CAPS: variants seen among roughly 807,000 people sequenced by gnomAD.
The protein encoded by CAPS is calcyphosin.
CAPS carries 16 observed loss-of-function variants against 15.5 expected under a neutral mutation model. That is an observed-to-expected ratio of 1.03 (90% confidence interval 0.70 to 1.57). The LOEUF (loss-of-function observed/expected upper bound fraction) is 1.57. Ranked by LOEUF, CAPS falls within the 40% of genes most tolerant of loss-of-function variation. The pLI, the probability that CAPS is intolerant of heterozygous loss-of-function variation, is 0.00. For missense variants in CAPS, 294 were observed against 278.4 expected (o/e 1.06, Z -0.40); for synonymous variants, 121 against 116.0 (o/e 1.04, Z -0.28).
rs2057733970 is a variant in CAPS, at chr19:5,916,145, T to C, written c.*823T>C. ...GGGCATGCAGAGGCCAGGGTTTTAGTTAAAAGTTTAATGTAGTTCCCAAAT... is the reference window on the plus strand; with the variant it reads ...GGGCATGCAGAGGCCAGGGTTTTAGCTAAAAGTTTAATGTAGTTCCCAAAT... On this transcript the variant is annotated 3_prime_UTR_variant, in exon 5 of 5. Transcript: ENST00000588776. 6.6e-6 allele frequency: 1 copy of C among 152,170 alleles called. No homozygotes were observed. The highest frequency in any genetic ancestry group is 1.9e-4 in the East Asian group (1 of 5,144). 9.4% of individuals were successfully genotyped at this position (152,170 alleles called of 1,614,324 possible).
chr19:5,914,915 C>T (rs767592729), intron 3 of CAPS, 25 bp from the exon 4 acceptor site: 9 of 1,586,906 alleles, frequency 5.7e-6, no homozygotes, highest in Non-Finnish European at 7.7e-6. Context: ...TACCCACCAC[C>T]CCCAGTCACC....
rs1285378913 is a variant in CAPS at position 5,915,093 on chromosome 19, G to A, written c.415G>A (p.Glu139Lys). 3.1e-6 allele frequency: 5 copies of A among 1,613,130 alleles called. No individual in the cohort carries two copies. In the South Asian group the frequency reaches 3.3e-5, roughly 11 times the overall value. The change falls in exon 4 of 5, where the codon GAG becomes AAG. Residue 139 changes from glutamate (E) to lysine (K), a missense_variant. Transcript: ENST00000588776. The stretch of plus-strand genomic sequence containing the variant: ...GCGCAGTGGGGAGTGGACCGAGGAC[G>A]AGGTGCTGCGCCGCTTCCTGGACAA... ...KVRSGEWTED[E>K]VLRRFLDNFD...
chr19:5,914,748 C>T lies in CAPS; in HGVS notation c.261+8C>T, dbSNP rs758702919. 3.7e-6 allele frequency: 6 copies of T among 1,603,174 alleles called. No homozygotes were observed. The South Asian group carries it at 6.7e-5, about 18-fold the overall frequency. On this transcript the variant is annotated splice_region_variant and intron_variant, in intron 3 of 4. Coordinates refer to ENST00000588776, the MANE Select transcript of CAPS (RefSeq NM_004058.5). ...TTCCTTCGGGCGCTGCGGGTGAGCC[C>T]CCACCTCACAGTCAAGGCGTGTGCC... is the stretch of plus-strand genomic sequence containing the variant.
chr19:5,914,998 GC>G lies in CAPS; in HGVS notation c.321del (p.Ser108ValfsTer6). ...GCAGCTGCATTTGCCAAGCTGGACC[GC>G]AGTGGGGACGGCGTCGTGACGGTGG... The part of the protein sequence containing the change: ...VIAAAFAKLD[R>X]SGDGVVTVDD... On this transcript the variant is annotated frameshift_variant, in exon 4 of 5. Coordinates refer to ENST00000588776, the MANE Select transcript of CAPS (RefSeq NM_004058.5). LOFTEE classifies it high-confidence loss of function. The G allele has an allele frequency of 4.3e-6, 7 of 1,611,330 alleles. No individual in the cohort carries two copies. The highest frequency in any genetic ancestry group is 5.9e-6 in the Non-Finnish European group (7 of 1,179,932).
chr19:5,914,621 C>A lies in CAPS; in HGVS notation c.142C>A (p.Gln48Lys), dbSNP rs1476024642. 11 of 1,613,730 alleles carry A rather than the reference C, an allele frequency of 6.8e-6. No individual in the cohort carries two copies. Among genetic ancestry groups the A allele is most frequent in the Middle Eastern group, 1.6e-4 (1 of 6,084 alleles). The change falls in exon 3 of 5, where the codon CAG becomes AAG. Residue 48 changes from glutamine to lysine, a missense_variant. Transcript: ENST00000588776. ...SRSLDADEFR[Q>K]GLAKLGLVLD... is the part of the protein sequence containing the mutation. ...ATCCCTGGACGCTGATGAGTTCCGG[C>A]AGGGTCTGGCCAAACTCGGGCTGGT... is the stretch of plus-strand genomic sequence containing the variant.
rs2057714392 is a variant in CAPS at position 5,914,593 on chromosome 19, C to T, written c.114C>T (p.Ser38=). ...RFFRQLDRDG[S]RSLDADEFRQ... ...TCCGCCAACTAGACCGGGACGGGAG[C>T]AGATCCCTGGACGCTGATGAGTTCC... Residue 38 remains serine, a synonymous_variant, in exon 3 of 5, where the codon AGC becomes AGT. Transcript: ENST00000588776. The T allele has an allele frequency of 6.8e-6, 11 of 1,612,226 alleles. No homozygotes were observed. The highest frequency in any genetic ancestry group is 9.3e-6 in the Non-Finnish European group (11 of 1,178,890).
chr19:5,915,381 T>TCCC lies in CAPS; in HGVS notation c.*60_*62dup. The TCCC allele has an allele frequency of 7.8e-7, 1 of 1,274,618 alleles. No homozygotes were observed. The highest frequency in any genetic ancestry group is 1.1e-6 in the Non-Finnish European group (1 of 916,960). 79.0% of individuals were successfully genotyped at this position (1,274,618 alleles called of 1,614,324 possible). A position where few individuals can be genotyped will look rare whatever the true frequency, so the allele number is the denominator to read the frequency against. The stretch of plus-strand genomic sequence containing the variant: ...TCACTCCCCACCCCTGCCGGAGACC[T>TCCC]CCCTTCCCTGGGCCCCTTCTCTCCT... On this transcript the variant is annotated 3_prime_UTR_variant, in exon 5 of 5. Transcript: ENST00000588776.
Position 5,914,639 on chromosome 19 carries a change from G to A in CAPS, c.160G>A (p.Gly54Arg), listed in dbSNP as rs199930097. 2,417 of 1,614,014 alleles carry A rather than the reference G, an allele frequency of 1.5e-3. 40 individuals carry two copies. The South Asian group carries it at 0.02, about 13-fold the overall frequency. Reference protein sequence around the residue: ...DEFRQGLAKLGLVLDQAEAEG... With the variant: ...DEFRQGLAKLRLVLDQAEAEG... ...GTTCCGGCAGGGTCTGGCCAAACTCGGGCTGGTGCTGGACCAGGCGGAGGC... is the reference window on the plus strand; with the variant it reads ...GTTCCGGCAGGGTCTGGCCAAACTCAGGCTGGTGCTGGACCAGGCGGAGGC... Residue 54 changes from glycine (G) to arginine (R), a missense_variant, in exon 3 of 5, where the codon GGG becomes AGG. Gly to Arg is a moderately radical substitution (Grantham distance 125, BLOSUM62 -2). Transcript: ENST00000588776.
At position 5,916,129 on chromosome 19, in the gene CAPS, G is replaced by A. The variant is rs1014105524; in HGVS notation, c.*807G>A. On this transcript the variant is annotated 3_prime_UTR_variant, in exon 5 of 5. Transcript: ENST00000588776. Reference sequence around the variant, plus strand: ...CTTCCTGAGGCCCCTGGGGCATGCAGAGGCCAGGGTTTTAGTTAAAAGTTT... The same window carrying A: ...CTTCCTGAGGCCCCTGGGGCATGCAAAGGCCAGGGTTTTAGTTAAAAGTTT... The A allele has an allele frequency of 3.9e-5, 6 of 152,172 alleles. No individual in the cohort carries two copies. Among genetic ancestry groups the A allele is most frequent in the African/African-American group, 1.2e-4 (5 of 41,432 alleles). The allele number at this position is 152,172 out of a possible 1,614,324, so 9.4% of individuals were successfully genotyped here.
In CAPS at chr19:5,915,056, C is replaced by T. The variant is rs2057720984; in HGVS notation, c.378C>T (p.Ala126=). 1.2e-6 allele frequency: 2 copies of T among 1,612,872 alleles called. No individual in the cohort carries two copies. The highest frequency in any genetic ancestry group is 1.3e-5 in the African/African-American group (1 of 75,032). Residue 126 remains alanine (A), a synonymous_variant, in exon 4 of 5, where the codon GCC becomes GCT. Coordinates refer to ENST00000588776, the MANE Select transcript of CAPS (RefSeq NM_004058.5). ...TCCGCGGGGTGTACAGTGGCCGTGC[C>T]CACCCCAAGGTGCGCAGTGGGGAGT... ...DDLRGVYSGR[A]HPKVRSGEWT... is the part of the protein sequence containing the mutation.
In CAPS at chr19:5,915,002, T is replaced by TGGGGACGGCGTCGTGACG; in HGVS notation, c.326_343dup (p.Gly109_Thr114dup). ...CTGCATTTGCCAAGCTGGACCGCAG[T>TGGGGACGGCGTCGTGACG]GGGGACGGCGTCGTGACGGTGGACG... On this transcript the variant is annotated inframe_insertion, in exon 4 of 5. Transcript: ENST00000588776. 6.2e-7 allele frequency: 1 copy of TGGGGACGGCGTCGTGACG among 1,611,588 alleles called. No individual in the cohort carries two copies. The highest frequency in any genetic ancestry group is 1.1e-5 in the South Asian group (1 of 91,046).
chr19:5,916,061 G>A lies in CAPS; in HGVS notation c.*739G>A, dbSNP rs913989481. 6.6e-5 allele frequency: 10 copies of A among 152,210 alleles called. No homozygotes were observed. Among genetic ancestry groups the A allele is most frequent in the Non-Finnish European group, 1.5e-4 (10 of 68,148 alleles). The allele number at this position is 152,210 out of a possible 1,614,324, so 9.4% of individuals were successfully genotyped here. A position where few individuals can be genotyped will look rare whatever the true frequency, so the allele number is the denominator to read the frequency against. ...GGGAGCATGAGGCCCCAGGCTGCTGGAGGTCCTCGCCCGGGGAGGTGGAGG... is the reference window on the plus strand; with the variant it reads ...GGGAGCATGAGGCCCCAGGCTGCTGAAGGTCCTCGCCCGGGGAGGTGGAGG... On this transcript the variant is annotated 3_prime_UTR_variant, in exon 5 of 5. Coordinates refer to ENST00000588776, the MANE Select transcript of CAPS (RefSeq NM_004058.5).
At position 5,914,325 on chromosome 19, in the gene CAPS, A is replaced by C. The variant is rs775890578; in HGVS notation, c.-23+16A>C. ...CGCAGGCCAGGTGAGCATCTGAACA[A>C]GGGGCAGTCGGCCAGGGTGGGCTTG... On this transcript the variant is annotated intron_variant, in intron 1 of 4. Coordinates refer to ENST00000588776, the MANE Select transcript of CAPS (RefSeq NM_004058.5). The C allele has an allele frequency of 6.2e-7, 1 of 1,612,492 alleles. No individual in the cohort carries two copies. Among genetic ancestry groups the C allele is most frequent in the Non-Finnish European group, 8.5e-7 (1 of 1,179,756 alleles).
chr19:5,914,327 G>A lies in CAPS; in HGVS notation c.-23+18G>A, dbSNP rs1363197896. ...CAGGCCAGGTGAGCATCTGAACAAG[G>A]GGCAGTCGGCCAGGGTGGGCTTGCG... On this transcript the variant is annotated intron_variant, in intron 1 of 4. Coordinates refer to ENST00000588776, the MANE Select transcript of CAPS (RefSeq NM_004058.5). The A allele has an allele frequency of 6.2e-7, 1 of 1,612,464 alleles. No homozygotes were observed.
At position 5,914,341 on chromosome 19, in the gene CAPS, G is replaced by A. The variant is rs761901063; in HGVS notation, c.-23+32G>A. On this transcript the variant is annotated intron_variant, in intron 1 of 4. Transcript: ENST00000588776. ...ATCTGAACAAGGGGCAGTCGGCCAG[G>A]GTGGGCTTGCGGGAGTCCCCACCTT... 6 of 1,612,926 alleles carry A rather than the reference G, an allele frequency of 3.7e-6. No homozygotes were observed. In the Middle Eastern group the frequency reaches 6.6e-4, roughly 178 times the overall value.
At position 5,914,690 on chromosome 19, in the gene CAPS, C is replaced by G. The variant is rs550872985; in HGVS notation, c.211C>G (p.Arg71Gly). 34 of 1,613,756 alleles carry G rather than the reference C, an allele frequency of 2.1e-5. No homozygotes were observed. Among genetic ancestry groups the G allele is most frequent in the Non-Finnish European group, 2.3e-5 (27 of 1,179,956 alleles). Residue 71 changes from arginine (R) to glycine (G), a missense_variant, in exon 3 of 5, where the codon CGC becomes GGC. Physicochemically the swap from Arg to Gly is moderately radical, Grantham distance 125 (BLOSUM62 -2). Transcript: ENST00000588776. ...EAEGVCRKWD[R>G]NGSGTLDLEE... ...AGAGGGTGTGTGCAGGAAGTGGGAC[C>G]GCAATGGCAGCGGGACGCTGGATCT...
In CAPS at chr19:5,914,670, G is replaced by T. The variant is rs761314337; in HGVS notation, c.191G>T (p.Gly64Val). Residue 64 changes from glycine (G) to valine (V), a missense_variant, in exon 3 of 5, where the codon GGT (glycine) becomes GTT (valine). By Grantham distance (109) the Gly-to-Val change is moderately radical. Coordinates refer to ENST00000588776, the MANE Select transcript of CAPS (RefSeq NM_004058.5). Reference protein sequence around the residue: ...GLVLDQAEAEGVCRKWDRNGS... With the variant: ...GLVLDQAEAEVVCRKWDRNGS... ...GTGCTGGACCAGGCGGAGGCAGAGG[G>T]TGTGTGCAGGAAGTGGGACCGCAAT... 6.2e-7 allele frequency: 1 copy of T among 1,614,062 alleles called. No individual in the cohort carries two copies. The highest frequency in any genetic ancestry group is 1.1e-5 in the South Asian group (1 of 91,082).
chr19:5,915,259 GA>G lies in CAPS; in HGVS notation c.508del (p.Ser170ValfsTer4). ...AEFQDYYSGVSASMNTDEEFV... is the reference protein window; with the variant it reads ...AEFQDYYSGVXASMNTDEEFV... ...AATTCCAGGACTACTACAGCGGCGT[GA>G]GTGCCTCCATGAACACGGATGAGGA... On this transcript the variant is annotated frameshift_variant, in exon 5 of 5. Transcript: ENST00000588776. LOFTEE classifies it high-confidence loss of function. 3 of 1,613,122 alleles carry G rather than the reference GA, an allele frequency of 1.9e-6. No homozygotes were observed. The highest frequency in any genetic ancestry group is 2.5e-6 in the Non-Finnish European group (3 of 1,179,888).
In CAPS at chr19:5,915,051, C is replaced by G; in HGVS notation, c.373C>G (p.Arg125Gly). 6.2e-7 allele frequency: 1 copy of G among 1,612,872 alleles called. No homozygotes were observed. The change falls in exon 4 of 5, where the codon CGT (arginine) becomes GGT (glycine). Residue 125 changes from arginine (R) to glycine (G), a missense_variant. Coordinates refer to ENST00000588776, the MANE Select transcript of CAPS (RefSeq NM_004058.5). Reference protein sequence around the residue: ...VDDLRGVYSGRAHPKVRSGEW... With the variant: ...VDDLRGVYSGGAHPKVRSGEW... ...CGACCTCCGCGGGGTGTACAGTGGCCGTGCCCACCCCAAGGTGCGCAGTGG... is the reference window on the plus strand; with the variant it reads ...CGACCTCCGCGGGGTGTACAGTGGCGGTGCCCACCCCAAGGTGCGCAGTGG...
Sources: gnomAD v4.1 joint callset for allele counts on GRCh38, gnomAD v4.1.1 for gene constraint, MANE v1.5 for transcripts, NCBI Gene and HGNC (gene_info 2026-07-23, HGNC 2026-07-21) for gene names.